BEND4: variants seen among roughly 807,000 people sequenced by gnomAD.
The protein encoded by BEND4 is BEN domain-containing protein 4.
BEND4 carries 27 observed loss-of-function variants against 54.7 expected under a neutral mutation model. That is an observed-to-expected ratio of 0.49 (90% CI 0.36 to 0.68). The LOEUF (loss-of-function observed/expected upper bound fraction) is 0.68. BEND4 is among the 30% of genes least tolerant of loss of function. The pLI is 0.00. For missense variants in BEND4, 702 were observed against 697.2 expected, an observed-to-expected ratio of 1.01 and a Z score of -0.08; for synonymous variants, 327 against 299.5, an observed-to-expected ratio of 1.09 and a Z score of -0.95.
chr4:42,128,489 T>G (rs1162383558), intron 3 of BEND4, among the ~76,000 whole-genome samples: 1 of 151,920 alleles, frequency 6.6e-6, no homozygotes, highest in African/African-American at 2.4e-5. Context: ...CCGGGTGTGG[T>G]GGTGGGCGCC....
rs1577766161 is a variant in BEND4 at position 42,143,353 on chromosome 4, A to G, written c.1054+75T>C. Reference sequence around the variant, plus strand: ...TATACACATACACATACATGAGTACAGAAATACACAGACAGATGAGACAAG... The same window carrying G: ...TATACACATACACATACATGAGTACGGAAATACACAGACAGATGAGACAAG... On this transcript the variant is annotated intron_variant, in intron 3 of 5. Coordinates refer to ENST00000502486, the MANE Select transcript of BEND4 (RefSeq NM_207406.4). 7 of 1,290,000 alleles carry G rather than the reference A, an allele frequency of 5.4e-6. No homozygotes were observed. In the East Asian group the frequency reaches 1.8e-4, roughly 32 times the overall value. 79.9% of individuals were successfully genotyped at this position (1,290,000 alleles called of 1,614,324 possible). A position where few individuals can be genotyped will look rare whatever the true frequency, so the allele number is the denominator to read the frequency against.
chr4:42,117,803 A>G, intron 5 of BEND4, 68 bp from the exon 6 acceptor site: 1 of 1,071,218 alleles, frequency 9.3e-7, no homozygotes, highest in Non-Finnish European at 1.4e-6. Context: ...AGAAGATGAC[A>G]GGGCAGGCTG....
At chr4:42,144,224 G>A (rs560020536) in intron 2 of BEND4, 71 of 581,212 alleles carry the variant, frequency 1.2e-4, no homozygotes, top group Middle Eastern at 4.7e-4. Context: ...TCTAGGAAAC[G>A]GCTGGACTGT....
chr4:42,151,613 C>G lies in BEND4; in HGVS notation c.487+44G>C. On this transcript the variant is annotated intron_variant, in intron 2 of 5. Coordinates refer to ENST00000502486, the MANE Select transcript of BEND4 (RefSeq NM_207406.4). The stretch of plus-strand genomic sequence containing the variant: ...CTCCTTCCTGGGTCCCCTCCCGCTG[C>G]CCCCGGCCGTGGCGGGAAGGAAAGT... The G allele has an allele frequency of 2.8e-6, 4 of 1,429,548 alleles. No individual in the cohort carries two copies. The South Asian group carries it at 6.0e-5, about 21-fold the overall frequency. The allele number at this position is 1,429,548 out of a possible 1,614,324, so 88.6% of individuals were successfully genotyped here.
chr4:42,135,867 A>G (rs1720680667), intron 3 of BEND4, among the ~76,000 whole-genome samples: 1 of 152,202 alleles, frequency 6.6e-6, no homozygotes. Context: ...GCATGATTAA[A>G]GCGATTTGGC....
chr4:42,141,362 C>T (rs1720873540), intron 3 of BEND4, among the ~76,000 whole-genome samples: 1 of 152,176 alleles, frequency 6.6e-6, no homozygotes, highest in Admixed American at 6.6e-5. Flanking sequence ...AAGTGGGTAG[C>T]TTTCTTTAAC....
chr4:42,135,060 T>C (rs1211749852), intron 3 of BEND4, among the ~76,000 whole-genome samples: 1 of 152,084 alleles, frequency 6.6e-6, no homozygotes, highest in Non-Finnish European at 1.5e-5. Flanking sequence ...CTGGGGCTGT[T>C]TGGGGGAGAG....
chr4:42,148,170 G>A (rs2153147903), intron 2 of BEND4, among the ~76,000 whole-genome samples: 1 of 152,198 alleles, frequency 6.6e-6, no homozygotes, highest in South Asian at 2.1e-4. Context: ...AGGGCTTCAT[G>A]GCATAGAAAA....
Position 42,143,825 on chromosome 4 carries a change from T to A in BEND4, c.657A>T (p.Lys219Asn). 6.3e-7 allele frequency: 1 copy of A among 1,583,726 alleles called. No individual in the cohort carries two copies. The highest frequency in any genetic ancestry group is 8.6e-7 in the Non-Finnish European group (1 of 1,166,082). Residue 219 changes from lysine to asparagine, a missense_variant, in exon 3 of 6, where the codon AAA becomes AAT. Transcript: ENST00000502486. Reference sequence around the variant, plus strand: ...TGTCTGAGGTCTGACTGTGGACCCCTTTCCCAATGTGACAGTGCTCCTGTC... The same window carrying A: ...TGTCTGAGGTCTGACTGTGGACCCCATTCCCAATGTGACAGTGCTCCTGTC... ...NERQEHCHIGKGVHSQTSDNV... is the reference protein window; with the variant it reads ...NERQEHCHIGNGVHSQTSDNV...
chr4:42,148,938 T>C (rs1721166165), intron 2 of BEND4, among the ~76,000 whole-genome samples: 2 of 152,234 alleles, frequency 1.3e-5, no homozygotes, highest in Non-Finnish European at 2.9e-5. Flanking sequence ...TCATGAGATT[T>C]TATAAAAATG....
chr4:42,136,663 G>A (rs1344489448), intron 3 of BEND4, among the ~76,000 whole-genome samples: 1 of 152,192 alleles, frequency 6.6e-6, no homozygotes, highest in Non-Finnish European at 1.5e-5. Flanking sequence ...ATTATTTAGT[G>A]CTACAGTTTT....
rs1201579859 is a variant in BEND4, at chr4:42,111,768, G to A, written c.*5750C>T. 1 of 152,190 alleles carries A rather than the reference G, an allele frequency of 6.6e-6. No homozygotes were observed. Among genetic ancestry groups the A allele is most frequent in the Non-Finnish European group, 1.5e-5 (1 of 68,038 alleles). 9.4% of individuals were successfully genotyped at this position (152,190 alleles called of 1,614,324 possible). The stretch of plus-strand genomic sequence containing the variant: ...GTGAATTGAACGTTGGCTACCTGAT[G>A]CCCCGGTGCTATTTCTAACATCTAG... On this transcript the variant is annotated 3_prime_UTR_variant, in exon 6 of 6. Coordinates refer to ENST00000502486, the MANE Select transcript of BEND4 (RefSeq NM_207406.4).
intron 4 of BEND4, among the ~76,000 whole-genome samples, chr4:42,124,705 G>A (rs139249136): frequency 4.6e-5 from 7 of 152,250 alleles, no homozygotes; most frequent in South Asian, 2.1e-4. Context: ...AGAAGATAAC[G>A]AATATAGACC....
At chr4:42,144,130 A>G (rs922840660) in intron 2 of BEND4, 136 bp from the exon 3 acceptor site, 20 of 730,568 alleles carry the variant, frequency 2.7e-5, no homozygotes, top group Middle Eastern at 2.7e-4. Flanking sequence ...AAGATGACAC[A>G]ATAAATCCAC....
chr4:42,131,151 A>G (rs1239987707), intron 3 of BEND4, among the ~76,000 whole-genome samples: 1 of 152,188 alleles, frequency 6.6e-6, no homozygotes, highest in African/African-American at 2.4e-5. Context: ...TGACAGGTGC[A>G]GCAAACCACA....
intron 4 of BEND4, among the ~76,000 whole-genome samples, chr4:42,123,279 T>A (rs994527053): frequency 7.9e-5 from 12 of 152,104 alleles, no homozygotes; most frequent in African/African-American, 2.7e-4. Flanking sequence ...TGATGATGAG[T>A]CATAAAGTTT....
At chr4:42,119,975 A>C in intron 5 of BEND4, 79 bp downstream of exon 5, 1 of 1,557,778 alleles carries the variant, frequency 6.4e-7, no homozygotes, top group Non-Finnish European at 8.8e-7. Flanking sequence ...AGAAGGCTGA[A>C]CACTTGTACG....
At chr4:42,143,048 G>T (rs1250414839) in intron 3 of BEND4, among the ~76,000 whole-genome samples, 1 of 152,318 alleles carries the variant, frequency 6.6e-6, no homozygotes, top group South Asian at 2.1e-4. Flanking sequence ...TTTAAAGGAA[G>T]AGGACCACCT....
At chr4:42,147,033 T>C (rs1432782581) in intron 2 of BEND4, among the ~76,000 whole-genome samples, 2 of 152,208 alleles carry the variant, frequency 1.3e-5, no homozygotes, top group Admixed American at 6.5e-5. Flanking sequence ...ATTATGAAGA[T>C]AATCTATTAA....
Sources: gnomAD v4.1 joint callset for allele counts (sites outside exome capture counted in the v4.1 genomes callset) on GRCh38, gnomAD v4.1.1 for gene constraint, MANE v1.5 for transcripts, NCBI Gene and HGNC (gene_info 2026-07-23, HGNC 2026-07-21) for gene names.